VAV3: variants seen among roughly 807,000 people sequenced by gnomAD.
VAV3 encodes the protein vav guanine nucleotide exchange factor 3, also known as guanine nucleotide exchange factor VAV3.
A neutral mutation model predicts 131.2 loss-of-function variants in VAV3; 94 were observed. The ratio of observed to expected loss-of-function variants is 0.72; its 90% CI spans 0.61 to 0.85. VAV3 has a LOEUF of 0.85. VAV3 is among the 40% of genes least tolerant of loss of function. The probability of loss-of-function intolerance (pLI) is 0.00; values close to 1 mark genes in which losing one functional copy is unlikely to be tolerated. For missense variants in VAV3, 939 were observed against 1,002.7 expected (o/e 0.94, Z 0.86); for synonymous variants, 349 against 342.0 (o/e 1.02, Z -0.22).
At chr1:107,707,169 T>G (rs192913888) in intron 15 of VAV3, among the ~76,000 whole-genome samples, 109 of 152,320 alleles carry the variant, frequency 7.2e-4, no homozygotes, top group African/African-American at 2.5e-3. Flanking sequence ...AAAGAAACTA[T>G]TAGAATTATT....
At chr1:107,717,465 A>T (rs1661179240) in intron 15 of VAV3, among the ~76,000 whole-genome samples, 1 of 152,214 alleles carries the variant, frequency 6.6e-6, no homozygotes, top group Non-Finnish European at 1.5e-5. Context: ...TTCAAAGAAC[A>T]TCTTTATTTC....
At chr1:107,629,472 G>A (rs948571060) in intron 20 of VAV3, among the ~76,000 whole-genome samples, 3 of 152,112 alleles carry the variant, frequency 2.0e-5, no homozygotes, top group Non-Finnish European at 4.4e-5. Flanking sequence ...TGGATGACAC[G>A]ATCAGAATTG....
intron 15 of VAV3, among the ~76,000 whole-genome samples, chr1:107,723,274 A>T (rs1195092056): frequency 1.3e-5 from 2 of 152,112 alleles, no homozygotes; most frequent in Non-Finnish European, 2.9e-5. Context: ...ACAAGCATTC[A>T]GCGCCCATCT....
intron 24 of VAV3, among the ~76,000 whole-genome samples, chr1:107,598,604 A>G (rs549717487): frequency 6.6e-6 from 1 of 152,340 alleles, no homozygotes; most frequent in Admixed American, 6.5e-5. Flanking sequence ...CTTTAAAAGC[A>G]AAGAGAAAAA....
At chr1:107,848,167 G>A (rs1473462136) in intron 2 of VAV3, among the ~76,000 whole-genome samples, 1 of 152,058 alleles carries the variant, frequency 6.6e-6, no homozygotes, top group Non-Finnish European at 1.5e-5. Flanking sequence ...CAAAAAATTA[G>A]TTGGGCATGG....
chr1:107,612,353 C>G (rs1652817275), intron 21 of VAV3, among the ~76,000 whole-genome samples: 1 of 151,978 alleles, frequency 6.6e-6, no homozygotes, highest in Non-Finnish European at 1.5e-5. Context: ...TAGTAATTTT[C>G]TCTCACAACT....
rs564376375 is a variant in VAV3, at chr1:107,698,198, T to C, written c.1705+6352A>G. ...ATGGTCCCCAATTTTGGATGGTTCA[T>C]TTATGATTTTTCCACTTTACAACGG... On this transcript the variant is annotated intron_variant, in intron 17 of 26. Coordinates refer to ENST00000370056, the MANE Select transcript of VAV3 (RefSeq NM_006113.5). Among the ~76,000 whole-genome samples the C allele has an allele frequency of 3.3e-5, 5 of 152,326 alleles. No individual in the cohort carries two copies. The East Asian group carries it at 9.6e-4, about 29-fold the overall frequency.
intron 17 of VAV3, among the ~76,000 whole-genome samples, chr1:107,693,148 C>T (rs1027109841): frequency 4.6e-5 from 7 of 152,106 alleles, no homozygotes; most frequent in Non-Finnish European, 8.8e-5. Context: ...TCATTATTAA[C>T]GTTGGAAAGT....
In VAV3 at chr1:107,873,499, C is replaced by T. The variant is rs184644857; in HGVS notation, c.321+1402G>A. Reference sequence around the variant, plus strand: ...TTTTTAAAGGTGCAGGAGGAACAGGCGGAAGGATAAAAGAAAAATAAAACC... The same window carrying T: ...TTTTTAAAGGTGCAGGAGGAACAGGTGGAAGGATAAAAGAAAAATAAAACC... On this transcript the variant is annotated intron_variant, in intron 2 of 26. Coordinates refer to ENST00000370056, the MANE Select transcript of VAV3 (RefSeq NM_006113.5). Among the ~76,000 whole-genome samples the T allele has an allele frequency of 1.6e-4, 25 of 151,930 alleles. No homozygotes were observed. In the East Asian group the frequency reaches 4.6e-3, roughly 28 times the overall value.
chr1:107,886,581 C>G (rs1245218758), intron 1 of VAV3, among the ~76,000 whole-genome samples: 3 of 152,180 alleles, frequency 2.0e-5, no homozygotes, highest in African/African-American at 7.2e-5. Flanking sequence ...TGGTTTTACC[C>G]CCAAAGCTTC....
At chr1:107,807,510 GC>G (rs897818459) in intron 2 of VAV3, among the ~76,000 whole-genome samples, 1 of 152,216 alleles carries the variant, frequency 6.6e-6, no homozygotes, top group Non-Finnish European at 1.5e-5. Context: ...AGGGGAACAA[GC>G]CAGAAACAAG....
chr1:107,753,284 T>C (rs1181169576), intron 12 of VAV3, among the ~76,000 whole-genome samples: 1 of 151,620 alleles, frequency 6.6e-6, no homozygotes, highest in Non-Finnish European at 1.5e-5. Flanking sequence ...GAAAGTAGAT[T>C]GGTAGTTTCC....
At chr1:107,700,591 T>C (rs1029777795) in intron 17 of VAV3, among the ~76,000 whole-genome samples, 2 of 152,244 alleles carry the variant, frequency 1.3e-5, no homozygotes, top group African/African-American at 2.4e-5. Flanking sequence ...CTGAGGATAA[T>C]GGCTTCCAGC....
chr1:107,613,887 C>T (rs148756151), intron 21 of VAV3, among the ~76,000 whole-genome samples: 3 of 152,134 alleles, frequency 2.0e-5, no homozygotes, highest in East Asian at 3.9e-4. Flanking sequence ...GACGGAGTCT[C>T]GCTCTGTCAC....
intron 15 of VAV3, among the ~76,000 whole-genome samples, chr1:107,716,350 A>C (rs1033801773): frequency 6.6e-6 from 1 of 152,192 alleles, no homozygotes; most frequent in Non-Finnish European, 1.5e-5. Context: ...TTGGTGGGCC[A>C]GGTGTGGTGG....
At chr1:107,917,570 C>A (rs1403263968) in intron 1 of VAV3, among the ~76,000 whole-genome samples, 1 of 152,114 alleles carries the variant, frequency 6.6e-6, no homozygotes, top group East Asian at 1.9e-4. Flanking sequence ...AATGATGATA[C>A]CACTGGTAAA....
In VAV3 at chr1:107,770,617, A is replaced by G. The variant is rs1194167401; in HGVS notation, c.648+19T>C. 1 of 1,532,932 alleles carries G rather than the reference A, an allele frequency of 6.5e-7. No individual in the cohort carries two copies. The highest frequency in any genetic ancestry group is 9.0e-7 in the Non-Finnish European group (1 of 1,107,604). The allele number at this position is 1,532,932 out of a possible 1,614,324, so 95.0% of individuals were successfully genotyped here. On this transcript the variant is annotated intron_variant, in intron 6 of 26. Transcript: ENST00000370056. ...ATTAGGCAGTATTTGGGCATCAAAA[A>G]TAATACCTGATGACTTACCTTTTCT...
chr1:107,744,498 A>T (rs1471292472), intron 15 of VAV3, among the ~76,000 whole-genome samples: 3 of 152,186 alleles, frequency 2.0e-5, no homozygotes, highest in African/African-American at 7.2e-5. Flanking sequence ...AACACTATGA[A>T]GGCTAATTCT....
intron 1 of VAV3, among the ~76,000 whole-genome samples, chr1:107,906,709 AAAAAT>A (rs763268535): frequency 4.3e-4 from 65 of 152,152 alleles, no homozygotes; most frequent in Non-Finnish European, 3.7e-4. Flanking sequence ...AAAATAAAAT[AAAAAT>A]AAAATAACAG....
Sources: gnomAD v4.1 joint callset for allele counts (sites outside exome capture counted in the v4.1 genomes callset) on GRCh38, gnomAD v4.1.1 for gene constraint, MANE v1.5 for transcripts, NCBI Gene and HGNC (gene_info 2026-07-23, HGNC 2026-07-21) for gene names.